CDH13: variants seen among roughly 807,000 people sequenced by gnomAD.
The protein encoded by CDH13 is cadherin-13.
Under a neutral mutation model 63.8 loss-of-function variants are expected in CDH13, and 24 were observed. The ratio of observed to expected loss-of-function variants is 0.38; its 90% CI spans 0.27 to 0.53. The LOEUF is 0.53. Among genes scored for constraint, CDH13 ranks in the 20% least tolerant of loss-of-function variants. The pLI is 0.85. For missense variants in CDH13, 1,049 were observed against 903.1 expected (o/e 1.16, Z -2.07); for synonymous variants, 503 against 355.3 (o/e 1.42, Z -4.67).
intron 6 of CDH13, among the ~76,000 whole-genome samples, chr16:83,441,527 C>G (rs939870372): frequency 6.6e-6 from 1 of 152,158 alleles, no homozygotes; most frequent in South Asian, 2.1e-4. Context: ...TAAAAAGGAA[C>G]ATTAACAGTT....
intron 6 of CDH13, among the ~76,000 whole-genome samples, chr16:83,351,932 GT>G (rs1407746259): frequency 6.6e-6 from 1 of 152,234 alleles, no homozygotes; most frequent in East Asian, 1.9e-4. Context: ...GTATCTACAA[GT>G]TTTTGTGGTC....
chr16:82,894,188 C>T (rs750082859), intron 2 of CDH13, among the ~76,000 whole-genome samples: 2 of 152,138 alleles, frequency 1.3e-5, no homozygotes, highest in Admixed American at 6.5e-5. Context: ...CTCCTGGGCT[C>T]AAGCAATCCA....
At chr16:83,074,647 C>G (rs528254032) in intron 3 of CDH13, among the ~76,000 whole-genome samples, 2 of 152,182 alleles carry the variant, frequency 1.3e-5, no homozygotes, top group Non-Finnish European at 2.9e-5. Flanking sequence ...TCTCCACATC[C>G]TTGCTAGCAT....
At chr16:83,626,324 C>T (rs999651600) in intron 8 of CDH13, among the ~76,000 whole-genome samples, 4 of 152,196 alleles carry the variant, frequency 2.6e-5, no homozygotes, top group Non-Finnish European at 5.9e-5. Context: ...TGATGAGACA[C>T]ACACTGTCTG....
intron 5 of CDH13, among the ~76,000 whole-genome samples, chr16:83,240,639 A>C: frequency 6.9e-6 from 1 of 144,290 alleles, no homozygotes; most frequent in Non-Finnish European, 1.5e-5. Flanking sequence ...GGGTAGTGGG[A>C]AGATTTTTTA....
chr16:83,033,601 G>A (rs1255632853), intron 3 of CDH13, among the ~76,000 whole-genome samples: 2 of 152,126 alleles, frequency 1.3e-5, no homozygotes, highest in African/African-American at 4.8e-5. Context: ...TCGTTTGCCA[G>A]GCAGCAGTGC....
intron 3 of CDH13, among the ~76,000 whole-genome samples, chr16:83,081,014 T>A (rs943108986): frequency 2.0e-5 from 3 of 150,688 alleles, no homozygotes; most frequent in African/African-American, 7.3e-5. Flanking sequence ...CCCGAGTAAC[T>A]GGGACTACAG....
intron 1 of CDH13, among the ~76,000 whole-genome samples, chr16:82,662,781 G>A (rs757222015): frequency 1.3e-5 from 2 of 152,216 alleles, no homozygotes; most frequent in Non-Finnish European, 2.9e-5. Flanking sequence ...CCACCAGTAT[G>A]TGTCCCTCTG....
At chr16:83,633,638 G>A (rs2150797660) in intron 8 of CDH13, among the ~76,000 whole-genome samples, 1 of 152,240 alleles carries the variant, frequency 6.6e-6, no homozygotes, top group Non-Finnish European at 1.5e-5. Context: ...ATCTTCCTGG[G>A]CTGATTGCTC....
At chr16:83,370,033 C>T (rs2091335263) in intron 6 of CDH13, among the ~76,000 whole-genome samples, 1 of 152,192 alleles carries the variant, frequency 6.6e-6, no homozygotes, top group African/African-American at 2.4e-5. Flanking sequence ...GATCTCTCTG[C>T]CCGTATTTAC....
In CDH13 at chr16:82,924,871, C is replaced by T. The variant is rs970324390; in HGVS notation, c.157+66398C>T. On this transcript the variant is annotated intron_variant, in intron 2 of 13. Transcript: ENST00000567109. ...GTTCTCAGTGCTATTATTACCCCCT[C>T]GTTAAAGCTGGTAATTCTTGTTTTT... Among the ~76,000 whole-genome samples, 15 of 152,190 alleles carry T rather than the reference C, an allele frequency of 9.9e-5. 1 individual carries two copies. The highest frequency in any genetic ancestry group is 3.3e-4 in the Admixed American group (5 of 15,290).
At chr16:83,436,511 T>C (rs2072309885) in intron 6 of CDH13, among the ~76,000 whole-genome samples, 1 of 152,110 alleles carries the variant, frequency 6.6e-6, no homozygotes, top group Admixed American at 6.5e-5. Flanking sequence ...ATGACCCAAG[T>C]ACTGTGTTGT....
intron 5 of CDH13, among the ~76,000 whole-genome samples, chr16:83,309,275 G>C (rs1273514094): frequency 6.6e-6 from 1 of 152,164 alleles, no homozygotes. Context: ...TGGGATCTTT[G>C]GGAAAAGATC....
chr16:83,425,495 G>A lies in CDH13; in HGVS notation c.782-60982G>A, dbSNP rs145455253. Reference sequence around the variant, plus strand: ...CACTCAGGAGGCTCACAGAGAAGATGATCCAGTTTATGCTACCGCATCTCC... The same window carrying A: ...CACTCAGGAGGCTCACAGAGAAGATAATCCAGTTTATGCTACCGCATCTCC... On this transcript the variant is annotated intron_variant, in intron 6 of 13. Coordinates refer to ENST00000567109, the MANE Select transcript of CDH13 (RefSeq NM_001257.5). 1.8e-3 allele frequency among the ~76,000 whole-genome samples: 267 copies of A among 152,348 alleles called. 2 individuals carry two copies. Among genetic ancestry groups the A allele is most frequent in the South Asian group, 7.0e-3 (34 of 4,830 alleles).
At chr16:82,957,885 A>G (rs1567694201) in intron 2 of CDH13, among the ~76,000 whole-genome samples, 1 of 152,222 alleles carries the variant, frequency 6.6e-6, no homozygotes, top group Non-Finnish European at 1.5e-5. Context: ...TGGAGACATG[A>G]TAGCTGGAAA....
At chr16:82,992,966 C>T (rs977027444) in intron 2 of CDH13, among the ~76,000 whole-genome samples, 27 of 152,148 alleles carry the variant, frequency 1.8e-4, no homozygotes, top group African/African-American at 6.5e-4. Context: ...GTCCATCTGC[C>T]TCAGGATACT....
intron 3 of CDH13, among the ~76,000 whole-genome samples, chr16:83,112,118 A>G (rs1002191118): frequency 2.0e-5 from 3 of 152,216 alleles, no homozygotes; most frequent in Non-Finnish European, 4.4e-5. Flanking sequence ...TATTCATTTT[A>G]TCTCCCGCTG....
intron 1 of CDH13, among the ~76,000 whole-genome samples, chr16:82,760,841 A>AG (rs908923006): frequency 6.6e-6 from 1 of 151,700 alleles, no homozygotes; most frequent in Admixed American, 6.6e-5. Flanking sequence ...AGAGCAAGAG[A>AG]GAGGAGGAAG....
intron 6 of CDH13, among the ~76,000 whole-genome samples, chr16:83,394,900 C>G (rs953914868): frequency 7.9e-5 from 12 of 152,148 alleles, no homozygotes; most frequent in Non-Finnish European, 1.6e-4. Context: ...GTAATCCCAA[C>G]ACTCTGGGAG....
Sources: allele counts gnomAD v4.1 joint callset (sites outside exome capture counted in the v4.1 genomes callset), GRCh38; gene constraint gnomAD v4.1.1; transcripts MANE v1.5; gene names NCBI Gene and HGNC (gene_info 2026-07-23, HGNC 2026-07-21).